Variants in VDAC2 observed in about 807,000 individuals in gnomAD.
The protein encoded by VDAC2 is voltage dependent anion channel 2.
Under a neutral mutation model 36.6 loss-of-function variants are expected in VDAC2, and 6 were observed. That is an observed-to-expected ratio of 0.16 (90% CI 0.09 to 0.32). VDAC2 has a LOEUF of 0.32. Among genes scored for constraint, VDAC2 ranks in the 10% least tolerant of loss-of-function variants. VDAC2 has a pLI of 1.00. For synonymous variants in VDAC2, 109 were observed against 123.8 expected (o/e 0.88, Z 0.79); for missense variants, 247 against 346.0 (o/e 0.71, Z 2.27).
At chr10:75,213,947 G>A (rs1223463397) in intron 3 of VDAC2, 74 bp from the exon 4 acceptor site, 3 of 1,440,992 alleles carry the variant, frequency 2.1e-6, no homozygotes, top group Non-Finnish European at 2.9e-6. Flanking sequence ...TGTTTTTTAT[G>A]TATAGTCAAC....
intron 8 of VDAC2, 76 bp from the exon 9 acceptor site, chr10:75,229,568 C>A: frequency 8.5e-7 from 1 of 1,174,092 alleles, no homozygotes; most frequent in Admixed American, 2.2e-5. Flanking sequence ...TTCATGATTA[C>A]ATGATGGGGA....
chr10:75,212,218 T>C lies in VDAC2; in HGVS notation c.32-12T>C. 2.5e-6 allele frequency: 4 copies of C among 1,613,114 alleles called. No individual in the cohort carries two copies. Among genetic ancestry groups the C allele is most frequent in the Non-Finnish European group, 3.4e-6 (4 of 1,179,506 alleles). On this transcript the variant is annotated splice_polypyrimidine_tract_variant and intron_variant, in intron 2 of 9. Transcript: ENST00000332211. ...TAGAGACATTAACACTGGAATGTTT[T>C]TTTTCTACCAGCAATGTGTATTCCT... is the stretch of plus-strand genomic sequence containing the variant.
intron 2 of VDAC2, 128 bp from the exon 3 acceptor site, chr10:75,212,102 C>T: frequency 2.5e-6 from 2 of 785,068 alleles, no homozygotes; most frequent in South Asian, 1.6e-5. Context: ...TAGCTCCTGA[C>T]CGCATAAAAA....
intron 2 of VDAC2, chr10:75,211,799 C>T: frequency 3.6e-6 from 4 of 1,104,512 alleles, no homozygotes; most frequent in Non-Finnish European, 5.2e-6. Flanking sequence ...GTTTTCCCCT[C>T]AGCGAAGATA....
Position 75,231,443 on chromosome 10 carries a change from A to G in VDAC2, c.*454A>G, listed in dbSNP as rs1842096853. The G allele has an allele frequency of 6.5e-6, 1 of 153,294 alleles. No homozygotes were observed. The highest frequency in any genetic ancestry group is 1.5e-5 in the Non-Finnish European group (1 of 68,470). The allele number at this position is 153,294 out of a possible 1,614,324, so 9.5% of individuals were successfully genotyped here. ...GACAAATTATGAATAAAACAAGTAT[A>G]CATAATTAATGGCTCCAAGTATTTG... On this transcript the variant is annotated 3_prime_UTR_variant, in exon 10 of 10. Transcript: ENST00000332211.
At chr10:75,222,620 G>A (rs974812518) in intron 8 of VDAC2, among the ~76,000 whole-genome samples, 2 of 152,160 alleles carry the variant, frequency 1.3e-5, no homozygotes, top group African/African-American at 2.4e-5. Context: ...AAAAGCTGCC[G>A]AGTTAATGTT....
chr10:75,223,361 C>T (rs995612356), intron 8 of VDAC2, among the ~76,000 whole-genome samples: 2 of 152,184 alleles, frequency 1.3e-5, no homozygotes, highest in African/African-American at 4.8e-5. Context: ...CATTGATGTT[C>T]TTGGATGTCT....
intron 8 of VDAC2, among the ~76,000 whole-genome samples, chr10:75,226,451 G>GTTTTTTTTT (rs147954706): frequency 9.9e-6 from 1 of 100,894 alleles, no homozygotes; most frequent in African/African-American, 4.0e-5. Flanking sequence ...TCTTTTGTGG[G>GTTTTTTTTT]TTTTTTTTTT....
In VDAC2 at chr10:75,229,205, A is replaced by C. The variant is rs182110159; in HGVS notation, c.736-439A>C. ...ACATTCATGGTTTTGATTCTTTAGG[A>C]AGAGTCCTGGAAGTAGTAATGTGTG... On this transcript the variant is annotated intron_variant, in intron 8 of 9. Coordinates refer to ENST00000332211, the MANE Select transcript of VDAC2 (RefSeq NM_001391963.1). 229 of 151,742 alleles carry C rather than the reference A, an allele frequency of 1.5e-3. 2 individuals are homozygous for C. Among genetic ancestry groups the C allele is most frequent in the Non-Finnish European group, 2.1e-3 (141 of 68,168 alleles). 9.4% of individuals were successfully genotyped at this position (151,742 alleles called of 1,614,324 possible). A position where few individuals can be genotyped will look rare whatever the true frequency, so the allele number is the denominator to read the frequency against.
At chr10:75,223,833 T>G (rs547368058) in intron 8 of VDAC2, among the ~76,000 whole-genome samples, 31 of 152,280 alleles carry the variant, frequency 2.0e-4, no homozygotes, top group South Asian at 1.2e-3. Context: ...CAGTCATGCC[T>G]GTATAATGAA....
In VDAC2 at chr10:75,219,070, C is replaced by T; in HGVS notation, c.158C>T (p.Ser53Leu). The change falls in exon 5 of 10, where the codon TCA (serine) becomes TTA (leucine). Residue 53 changes from serine to leucine, a missense_variant. This residue lies in a region of VDAC2 where 76 missense variants were observed against 76.9 expected (regional missense o/e 0.99). Coordinates refer to ENST00000332211, the MANE Select transcript of VDAC2 (RefSeq NM_001391963.1). ...TATTGATTGTCTTGTTAGGAATTTTCAACGTCCGGTTCATCTAATACAGAC... is the reference window on the plus strand; with the variant it reads ...TATTGATTGTCTTGTTAGGAATTTTTAACGTCCGGTTCATCTAATACAGAC... ...KTKSCSGVEF[S>L]TSGSSNTDTG... The T allele has an allele frequency of 1.2e-6, 2 of 1,600,484 alleles. No individual in the cohort carries two copies. The highest frequency in any genetic ancestry group is 1.7e-6 in the Non-Finnish European group (2 of 1,176,418).
At chr10:75,213,098 A>G (rs1012101285) in intron 3 of VDAC2, among the ~76,000 whole-genome samples, 8 of 151,562 alleles carry the variant, frequency 5.3e-5, no homozygotes, top group African/African-American at 1.9e-4. Flanking sequence ...TTTTTTTTTG[A>G]GACGGAATCT....
intron 8 of VDAC2, among the ~76,000 whole-genome samples, chr10:75,227,262 GAA>G (rs1356333059): frequency 1.3e-5 from 2 of 152,184 alleles, no homozygotes; most frequent in Non-Finnish European, 2.9e-5. Context: ...GGGGTTGTGG[GAA>G]CCCCAGTTTA....
At chr10:75,218,104 A>G in intron 4 of VDAC2, 9 of 386,822 alleles carry the variant, frequency 2.3e-5, no homozygotes, top group Middle Eastern at 9.5e-4. Flanking sequence ...AAAAAAAAAA[A>G]TTCAGATAAG....
chr10:75,221,920 T>C (rs1454756630), intron 7 of VDAC2, among the ~76,000 whole-genome samples: 2 of 152,244 alleles, frequency 1.3e-5, no homozygotes, highest in African/African-American at 4.8e-5. Context: ...AGGTATATAA[T>C]CTTTGTTAAT....
intron 9 of VDAC2, 33 bp downstream of exon 9, chr10:75,229,734 A>G: frequency 6.5e-7 from 1 of 1,536,254 alleles, no homozygotes; most frequent in South Asian, 1.3e-5. Flanking sequence ...GATTGTTTTG[A>G]TAGTATTAAA....
chr10:75,229,809 A>G lies in VDAC2; in HGVS notation c.793+108A>G, dbSNP rs1227709191. ...TCAAGCACACAGAAGAGTTGAAAGA[A>G]GAGTACAATAAATACGTGTTTACCT... On this transcript the variant is annotated intron_variant, in intron 9 of 9. Coordinates refer to ENST00000332211, the MANE Select transcript of VDAC2 (RefSeq NM_001391963.1). 6.1e-6 allele frequency: 5 copies of G among 814,156 alleles called. No homozygotes were observed. The East Asian group carries it at 1.4e-4, about 23-fold the overall frequency. 50.4% of individuals were successfully genotyped at this position (814,156 alleles called of 1,614,324 possible).
At chr10:75,211,725 A>G in intron 2 of VDAC2, 1 of 1,526,992 alleles carries the variant, frequency 6.5e-7, no homozygotes. Context: ...ACATGGCAGT[A>G]TTTTTTCCAA....
chr10:75,222,943 C>G (rs1206641947), intron 8 of VDAC2, among the ~76,000 whole-genome samples: 1 of 151,554 alleles, frequency 6.6e-6, no homozygotes, highest in East Asian at 1.9e-4. Flanking sequence ...AGGCATGAGC[C>G]ACTGCACCTG....
Sources: allele counts gnomAD v4.1 joint callset (sites outside exome capture counted in the v4.1 genomes callset), GRCh38; gene constraint gnomAD v4.1.1; regional missense constraint gnomAD v4.1.1; transcripts MANE v1.5; gene names NCBI Gene and HGNC (gene_info 2026-07-23, HGNC 2026-07-21).